PID1: variants seen among roughly 807,000 people sequenced by gnomAD.
PID1 encodes the protein PTB-containing, cubilin and LRP1-interacting protein.
In PID1, 10 loss-of-function variants were observed where a neutral mutation model predicts 19.1. The ratio of observed to expected loss-of-function variants is 0.52; its 90% CI spans 0.32 to 0.89. The LOEUF is 0.89. Among genes scored for constraint, PID1 ranks in the 40% least tolerant of loss-of-function variants. The probability of loss-of-function intolerance (pLI) is 0.03; values close to 1 mark genes in which losing one functional copy is unlikely to be tolerated. For missense variants in PID1, 248 were observed against 285.3 expected, an observed-to-expected ratio of 0.87 and a Z score of 0.94; for synonymous variants, 130 against 116.0, an observed-to-expected ratio of 1.12 and a Z score of -0.78.
intron 2 of PID1, among the ~76,000 whole-genome samples, chr2:229,114,113 TTCTCTCTCTC>T (rs59302884): frequency 2.2e-5 from 3 of 138,968 alleles, no homozygotes; most frequent in Admixed American, 1.4e-4. Flanking sequence ...CTCTCTCTCT[TTCTCTCTCTC>T]TCTCTCTCTC....
chr2:229,066,110 C>CA (rs1370919282), intron 2 of PID1, among the ~76,000 whole-genome samples: 2 of 151,858 alleles, frequency 1.3e-5, no homozygotes, highest in Non-Finnish European at 2.9e-5. Flanking sequence ...AAAAGAAAAA[C>CA]AAAAAAACAA....
rs1009672471 is a variant in PID1, at chr2:229,271,097, C to CG, written c.-55dup. 5 of 1,532,418 alleles carry CG rather than the reference C, an allele frequency of 3.3e-6. No individual in the cohort carries two copies. Among genetic ancestry groups the CG allele is most frequent in the South Asian group, 1.2e-5 (1 of 82,784 alleles). 94.9% of individuals were successfully genotyped at this position (1,532,418 alleles called of 1,614,324 possible). A position where few individuals can be genotyped will look rare whatever the true frequency, so the allele number is the denominator to read the frequency against. On this transcript the variant is annotated 5_prime_UTR_variant, in exon 1 of 3. Coordinates refer to ENST00000392055, the MANE Select transcript of PID1 (RefSeq NM_001100818.2). Reference sequence around the variant, plus strand: ...ACGCTGGCGAGACTGTCGATCGCGCCGGGGGGCGAGGGGCTGGGGTCCCGC... The same window carrying CG: ...ACGCTGGCGAGACTGTCGATCGCGCCGGGGGGGCGAGGGGCTGGGGTCCCGC...
chr2:229,164,261 C>T (rs1690554197), intron 1 of PID1, among the ~76,000 whole-genome samples: 1 of 151,714 alleles, frequency 6.6e-6, no homozygotes, highest in African/African-American at 2.4e-5. Context: ...TGATGTAAAA[C>T]GCCAAATGCT....
chr2:229,228,505 T>C (rs914104144), intron 1 of PID1, among the ~76,000 whole-genome samples: 1 of 152,226 alleles, frequency 6.6e-6, no homozygotes. Flanking sequence ...CCTGCAAATA[T>C]ATAAATTTAC....
At chr2:229,195,890 C>T (rs1317923684) in intron 1 of PID1, among the ~76,000 whole-genome samples, 1 of 151,998 alleles carries the variant, frequency 6.6e-6, no homozygotes, top group African/African-American at 2.4e-5. Context: ...TTTTTATAGA[C>T]TGCAAATGCT....
At chr2:229,193,554 A>G (rs1339229067) in intron 1 of PID1, among the ~76,000 whole-genome samples, 2 of 152,130 alleles carry the variant, frequency 1.3e-5, no homozygotes, top group Non-Finnish European at 2.9e-5. Context: ...TCTACCACAC[A>G]CAGACCACAT....
chr2:229,122,961 G>A (rs1325953368), intron 2 of PID1, among the ~76,000 whole-genome samples: 1 of 152,112 alleles, frequency 6.6e-6, no homozygotes, highest in East Asian at 1.9e-4. Context: ...TTCGGTACTG[G>A]AGCTGAGTGA....
At chr2:229,213,912 T>C (rs1198818220) in intron 1 of PID1, among the ~76,000 whole-genome samples, 4 of 152,248 alleles carry the variant, frequency 2.6e-5, no homozygotes, top group Non-Finnish European at 5.9e-5. Flanking sequence ...ATGTAGAATT[T>C]AATTCAGAGT....
At chr2:229,039,532 C>A (rs184847067) in intron 2 of PID1, among the ~76,000 whole-genome samples, 142 of 152,106 alleles carry the variant, frequency 9.3e-4, no homozygotes, top group African/African-American at 3.3e-3. Context: ...AAACTTAGAA[C>A]AAAAATATTT....
chr2:229,111,453 T>C (rs1219709487), intron 2 of PID1, among the ~76,000 whole-genome samples: 1 of 152,206 alleles, frequency 6.6e-6, no homozygotes, highest in Non-Finnish European at 1.5e-5. Context: ...CATATAGTAA[T>C]ATTGTTCTGA....
chr2:229,046,379 T>TGCGC (rs1553555185), intron 2 of PID1, among the ~76,000 whole-genome samples: 3 of 144,168 alleles, frequency 2.1e-5, no homozygotes, highest in African/African-American at 7.8e-5. Context: ...TGTGTGTGTG[T>TGCGC]GCGTGTGTGT....
intron 2 of PID1, among the ~76,000 whole-genome samples, chr2:229,105,622 C>T (rs1695161349): frequency 6.6e-6 from 1 of 152,192 alleles, no homozygotes; most frequent in Non-Finnish European, 1.5e-5. Context: ...CAGTACCTAG[C>T]AGAATGCTTG....
At chr2:229,124,024 C>T (rs1303628135) in intron 2 of PID1, among the ~76,000 whole-genome samples, 4 of 152,090 alleles carry the variant, frequency 2.6e-5, no homozygotes, top group Non-Finnish European at 5.9e-5. Flanking sequence ...CAGGTCAGAG[C>T]ACTGTTAGGT....
chr2:229,194,228 A>C (rs1435582660), intron 1 of PID1, among the ~76,000 whole-genome samples: 1 of 152,116 alleles, frequency 6.6e-6, no homozygotes, highest in South Asian at 2.1e-4. Context: ...ACAGTTAAAA[A>C]ACCCCATTAA....
chr2:229,032,445 C>T (rs1693574486), intron 2 of PID1, among the ~76,000 whole-genome samples: 1 of 152,178 alleles, frequency 6.6e-6, no homozygotes. Flanking sequence ...TGAATACTTT[C>T]TAGAGGAATA....
chr2:229,199,723 T>TATAA (rs1691454077), intron 1 of PID1, among the ~76,000 whole-genome samples: 1 of 103,136 alleles, frequency 9.7e-6, no homozygotes, highest in South Asian at 3.1e-4. Flanking sequence ...ATCTAATTTA[T>TATAA]ATATATATAT....
chr2:229,213,946 T>A (rs1237381972), intron 1 of PID1, among the ~76,000 whole-genome samples: 1 of 152,210 alleles, frequency 6.6e-6, no homozygotes, highest in Admixed American at 6.5e-5. Flanking sequence ...AAATATTACA[T>A]CATTACACTT....
intron 1 of PID1, among the ~76,000 whole-genome samples, chr2:229,219,905 T>A (rs1213431835): frequency 6.6e-6 from 1 of 152,096 alleles, no homozygotes; most frequent in Non-Finnish European, 1.5e-5. Context: ...TAAGGTCATA[T>A]GCTAGTAAAT....
At chr2:229,118,201 C>T (rs1695448039) in intron 2 of PID1, among the ~76,000 whole-genome samples, 1 of 152,168 alleles carries the variant, frequency 6.6e-6, no homozygotes, top group African/African-American at 2.4e-5. Flanking sequence ...TACATCCAAA[C>T]CATCCATCTC....
Sources: gnomAD v4.1 joint callset for allele counts (sites outside exome capture counted in the v4.1 genomes callset) on GRCh38, gnomAD v4.1.1 for gene constraint, MANE v1.5 for transcripts, NCBI Gene and HGNC (gene_info 2026-07-23, HGNC 2026-07-21) for gene names.